PCDHGC3: variants seen among roughly 807,000 people sequenced by gnomAD.
PCDHGC3 encodes the protein protocadherin gamma-C3.
In PCDHGC3, 26 loss-of-function variants were observed where a neutral mutation model predicts 59.2. That is an observed-to-expected ratio of 0.44 (90% confidence interval 0.32 to 0.61). The LOEUF (loss-of-function observed/expected upper bound fraction) is 0.61, where lower values mean the gene tolerates loss of function less well. Among genes scored for constraint, PCDHGC3 ranks in the 20% least tolerant of loss-of-function variants. The pLI, the probability that PCDHGC3 is intolerant of heterozygous loss-of-function variation, is 0.05. For synonymous variants in PCDHGC3, 487 were observed against 519.7 expected (o/e 0.94, Z 0.86); for missense variants, 1,080 against 1,221.8 (o/e 0.88, Z 1.73).
At chr5:141,499,570 A>C (rs1027373056) in intron 2 of PCDHGC3, among the ~76,000 whole-genome samples, 2 of 152,200 alleles carry the variant, frequency 1.3e-5, no homozygotes, top group Non-Finnish European at 2.9e-5. Flanking sequence ...TCCAGCTTCA[A>C]CTAATGCCTT....
In PCDHGC3 at chr5:141,486,565, T is replaced by C; in HGVS notation, c.2430+8019T>C. ...TTCAGAGGTCACATGAGGTGTTTGT[T>C]CCTGAGAACAATCGCCCAGGGGACC... On this transcript the variant is annotated intron_variant, in intron 1 of 3. Coordinates refer to ENST00000308177, the MANE Select transcript of PCDHGC3 (RefSeq NM_002588.4). The surrounding 1 kb of genome is among the most constrained non-coding windows in gnomAD (Gnocchi z 5.0). 6.2e-7 allele frequency: 1 copy of C among 1,614,024 alleles called. No homozygotes were observed. Among genetic ancestry groups the C allele is most frequent in the Non-Finnish European group, 8.5e-7 (1 of 1,180,032 alleles).
chr5:141,487,499 G>A lies in PCDHGC3; in HGVS notation c.2431-7308G>A, dbSNP rs2099647158. On this transcript the variant is annotated intron_variant, in intron 1 of 3. Transcript: ENST00000308177. This position sits in a 1 kb window ranked among gnomAD's most constrained non-coding sequence, Gnocchi z 5.0. ...CCACTCTCATGGCTGTACACCCTTGGCTTCTGCACCCACTCGGAGTGATAG... is the reference window on the plus strand; with the variant it reads ...CCACTCTCATGGCTGTACACCCTTGACTTCTGCACCCACTCGGAGTGATAG... The A allele has an allele frequency of 3.1e-6, 5 of 1,614,152 alleles. No homozygotes were observed. The highest frequency in any genetic ancestry group is 2.2e-5 in the East Asian group (1 of 44,852).
chr5:141,487,068 T>C lies in PCDHGC3; in HGVS notation c.2431-7739T>C. ...TATGCTGGGGAGGTGCGGACGGCTG[T>C]TCCTATCCCAGCTGACCTCCCACCA... On this transcript the variant is annotated intron_variant, in intron 1 of 3. Transcript: ENST00000308177. The surrounding 1 kb of genome is among the most constrained non-coding windows in gnomAD (Gnocchi z 5.0). The C allele has an allele frequency of 6.2e-7, 1 of 1,614,166 alleles. No individual in the cohort carries two copies. The highest frequency in any genetic ancestry group is 8.5e-7 in the Non-Finnish European group (1 of 1,180,016).
At chr5:141,498,670 G>A (rs1266576450) in intron 2 of PCDHGC3, among the ~76,000 whole-genome samples, 1 of 152,066 alleles carries the variant, frequency 6.6e-6, no homozygotes, top group Non-Finnish European at 1.5e-5. Flanking sequence ...GGTGGCTCAC[G>A]CCTGTAATCC....
At chr5:141,502,951 C>G (rs1444086718) in intron 2 of PCDHGC3, among the ~76,000 whole-genome samples, 1 of 147,768 alleles carries the variant, frequency 6.8e-6, no homozygotes, top group African/African-American at 2.6e-5. Context: ...TCAAGCGATT[C>G]TCCTGCCTCA....
Position 141,489,653 on chromosome 5 carries a change from G to C in PCDHGC3, c.2431-5154G>C. ...TCTCCTAGCTTTGCCACCCCTGAGCGAGAGATGCGCATCTCAGAATCAGCA... is the reference window on the plus strand; with the variant it reads ...TCTCCTAGCTTTGCCACCCCTGAGCCAGAGATGCGCATCTCAGAATCAGCA... On this transcript the variant is annotated intron_variant, in intron 1 of 3. Coordinates refer to ENST00000308177, the MANE Select transcript of PCDHGC3 (RefSeq NM_002588.4). The surrounding 1 kb of genome is among the most constrained non-coding windows in gnomAD (Gnocchi z 4.5). 3 of 1,614,164 alleles carry C rather than the reference G, an allele frequency of 1.9e-6. No individual in the cohort carries two copies. The highest frequency in any genetic ancestry group is 2.5e-6 in the Non-Finnish European group (3 of 1,180,018).
At position 141,489,049 on chromosome 5, in the gene PCDHGC3, T is replaced by G; in HGVS notation, c.2431-5758T>G. 2.1e-6 allele frequency: 1 copy of G among 477,660 alleles called. No homozygotes were observed. Among genetic ancestry groups the G allele is most frequent in the Non-Finnish European group, 3.7e-6 (1 of 272,910 alleles). 29.6% of individuals were successfully genotyped at this position (477,660 alleles called of 1,614,324 possible). On this transcript the variant is annotated intron_variant, in intron 1 of 3. Transcript: ENST00000308177. The surrounding 1 kb of genome is among the most constrained non-coding windows in gnomAD (Gnocchi z 4.5). ...CTCCAGCTCCCCAGCTCCACTCAAA[T>G]TCAGCTCCCCTCCCCCCTGCCCACC... is the stretch of plus-strand genomic sequence containing the variant.
chr5:141,478,244 T>C lies in PCDHGC3; in HGVS notation c.2128T>C (p.Phe710Leu), dbSNP rs758993366. ...LVSVGFVVTV[F>L]GVIIFKVYKW... ...TTCTGTGGGGTTTGTGGTCACAGTG[T>C]TCGGAGTAATCATATTCAAAGTTTA... Residue 710 changes from phenylalanine to leucine, a missense_variant, in exon 1 of 4, where the codon TTC (phenylalanine) becomes CTC (leucine). Coordinates refer to ENST00000308177, the MANE Select transcript of PCDHGC3 (RefSeq NM_002588.4). 5 of 1,614,132 alleles carry C rather than the reference T, an allele frequency of 3.1e-6. No individual in the cohort carries two copies. In the South Asian group the frequency reaches 4.4e-5, roughly 14 times the overall value.
chr5:141,487,377 C>G lies in PCDHGC3; in HGVS notation c.2431-7430C>G, dbSNP rs758216933. On this transcript the variant is annotated intron_variant, in intron 1 of 3. Coordinates refer to ENST00000308177, the MANE Select transcript of PCDHGC3 (RefSeq NM_002588.4). This position sits in a 1 kb window ranked among gnomAD's most constrained non-coding sequence, Gnocchi z 5.0. ...CCTGCTGGCACCTGTGCCTGTCTCA[C>G]CAGATCTCGAAGGAGGGAGGGGCTT... 6.2e-7 allele frequency: 1 copy of G among 1,614,190 alleles called. No individual in the cohort carries two copies. The highest frequency in any genetic ancestry group is 1.1e-5 in the South Asian group (1 of 91,086).
chr5:141,511,450 C>A lies in PCDHGC3; in HGVS notation c.*277C>A. Reference sequence around the variant, plus strand: ...TGGGGTTACTGTAGACACCAAGAACCATTTGCCACACCCCGTTTAGTTACA... The same window carrying A: ...TGGGGTTACTGTAGACACCAAGAACAATTTGCCACACCCCGTTTAGTTACA... On this transcript the variant is annotated 3_prime_UTR_variant, in exon 4 of 4. Transcript: ENST00000308177. The A allele has an allele frequency of 3.3e-6, 2 of 615,088 alleles. No homozygotes were observed. The highest frequency in any genetic ancestry group is 6.8e-5 in the East Asian group (2 of 29,272). The allele number at this position is 615,088 out of a possible 1,614,324, so 38.1% of individuals were successfully genotyped here.
In PCDHGC3 at chr5:141,490,996, G is replaced by A; in HGVS notation, c.2431-3811G>A. ...GCGTCTCCCTCGCTCTGCTCCTCCT[G>A]GCTCCTTGGTCACCAAGGTGACAGC... is the stretch of plus-strand genomic sequence containing the variant. On this transcript the variant is annotated intron_variant, in intron 1 of 3. Transcript: ENST00000308177. This position sits in a 1 kb window ranked among gnomAD's most constrained non-coding sequence, Gnocchi z 5.4. The A allele has an allele frequency of 6.2e-7, 1 of 1,614,090 alleles. No individual in the cohort carries two copies. The highest frequency in any genetic ancestry group is 8.5e-7 in the Non-Finnish European group (1 of 1,180,028).
Position 141,478,120 on chromosome 5 carries a change from G to A in PCDHGC3, c.2004G>A (p.Glu668=), listed in dbSNP as rs772548778. 3.1e-6 allele frequency: 5 copies of A among 1,613,948 alleles called. No homozygotes were observed. In the Admixed American group the frequency reaches 6.7e-5, roughly 22 times the overall value. ...CTACCCTCACTGTGTCAGTAACCGA[G>A]GACTCTCCTGAAGCCCGAGCCGAGT... The part of the protein sequence containing the change: ...TTATLTVSVT[E]DSPEARAEFP... Residue 668 remains glutamate (E), a synonymous_variant, in exon 1 of 4, where the codon GAG becomes GAA. Coordinates refer to ENST00000308177, the MANE Select transcript of PCDHGC3 (RefSeq NM_002588.4).
In PCDHGC3 at chr5:141,485,848, C is replaced by A; in HGVS notation, c.2430+7302C>A. The stretch of plus-strand genomic sequence containing the variant: ...GAGGGAACCCGCCGAGATCTGGCAC[C>A]GCAGAGCTCCGGGTATCCGTGCTGG... On this transcript the variant is annotated intron_variant, in intron 1 of 3. Transcript: ENST00000308177. This position sits in a 1 kb window ranked among gnomAD's most constrained non-coding sequence, Gnocchi z 5.7. 1 of 1,614,192 alleles carries A rather than the reference C, an allele frequency of 6.2e-7. No homozygotes were observed. The highest frequency in any genetic ancestry group is 8.5e-7 in the Non-Finnish European group (1 of 1,180,020).
At position 141,487,137 on chromosome 5, in the gene PCDHGC3, T is replaced by A. The variant is rs2154580779; in HGVS notation, c.2431-7670T>A. ...GTAAAGGATAGTGGTAGTCCACCAC[T>A]CTCTACCTCTGTTACTCTCTTAGTG... On this transcript the variant is annotated intron_variant, in intron 1 of 3. Coordinates refer to ENST00000308177, the MANE Select transcript of PCDHGC3 (RefSeq NM_002588.4). The surrounding 1 kb of genome is among the most constrained non-coding windows in gnomAD (Gnocchi z 5.0). 1.9e-6 allele frequency: 3 copies of A among 1,614,092 alleles called. No individual in the cohort carries two copies. The East Asian group carries it at 6.7e-5, about 36-fold the overall frequency.
chr5:141,486,425 A>C lies in PCDHGC3; in HGVS notation c.2430+7879A>C. The C allele has an allele frequency of 6.2e-7, 1 of 1,614,228 alleles. No homozygotes were observed. On this transcript the variant is annotated intron_variant, in intron 1 of 3. Transcript: ENST00000308177. This position sits in a 1 kb window ranked among gnomAD's most constrained non-coding sequence, Gnocchi z 5.0. Reference sequence around the variant, plus strand: ...TGCTGGACCCTTGGATCGAGAGGCCAAATCTAGCTATGACATCATGGTCAC... The same window carrying C: ...TGCTGGACCCTTGGATCGAGAGGCCCAATCTAGCTATGACATCATGGTCAC...
chr5:141,480,074 A>G (rs976924380), intron 1 of PCDHGC3, among the ~76,000 whole-genome samples: 5 of 152,196 alleles, frequency 3.3e-5, no homozygotes, highest in Non-Finnish European at 7.3e-5. Flanking sequence ...TATAAGATTC[A>G]TGCATGATAT....
At chr5:141,508,017 G>C (rs2099865601) in intron 3 of PCDHGC3, 1 of 152,310 alleles carries the variant, frequency 6.6e-6, no homozygotes, top group Non-Finnish European at 1.5e-5. Context: ...TCTCAAGGAG[G>C]CTGCGGTTTG....
chr5:141,489,060 TC>T lies in PCDHGC3; in HGVS notation c.2431-5741del, dbSNP rs1037208652. 41 of 300,146 alleles carry T rather than the reference TC, an allele frequency of 1.4e-4. No individual in the cohort carries two copies. The highest frequency in any genetic ancestry group is 2.3e-4 in the Non-Finnish European group (38 of 162,914). The allele number at this position is 300,146 out of a possible 1,614,324, so 18.6% of individuals were successfully genotyped here. A position where few individuals can be genotyped will look rare whatever the true frequency, so the allele number is the denominator to read the frequency against. On this transcript the variant is annotated intron_variant, in intron 1 of 3. Coordinates refer to ENST00000308177, the MANE Select transcript of PCDHGC3 (RefSeq NM_002588.4). This position sits in a 1 kb window ranked among gnomAD's most constrained non-coding sequence, Gnocchi z 4.5. ...CAGCTCCACTCAAATTCAGCTCCCC[TC>T]CCCCCTGCCCACCCCCGCCACTCGG...
In PCDHGC3 at chr5:141,490,706, T is replaced by C. The variant is rs777636562; in HGVS notation, c.2431-4101T>C. On this transcript the variant is annotated intron_variant, in intron 1 of 3. Coordinates refer to ENST00000308177, the MANE Select transcript of PCDHGC3 (RefSeq NM_002588.4). This position sits in a 1 kb window ranked among gnomAD's most constrained non-coding sequence, Gnocchi z 5.4. ...CCAGACACTGGGGATAATGCCCGCC[T>C]CACCTACTCCATTGTAGGAAATCAG... is the stretch of plus-strand genomic sequence containing the variant. The C allele has an allele frequency of 6.2e-7, 1 of 1,614,074 alleles. No homozygotes were observed. Among genetic ancestry groups the C allele is most frequent in the African/African-American group, 1.3e-5 (1 of 74,948 alleles).
Sources: gnomAD v4.1 joint callset for allele counts (sites outside exome capture counted in the v4.1 genomes callset) on GRCh38, gnomAD v4.1.1 for gene constraint, Gnocchi (gnomAD v3.1) non-coding constraint, MANE v1.5 for transcripts, NCBI Gene and HGNC (gene_info 2026-07-23, HGNC 2026-07-21) for gene names.